SPTLC3: variants seen among roughly 807,000 people sequenced by gnomAD.
The protein encoded by SPTLC3 is serine palmitoyltransferase long chain base subunit 3.
In SPTLC3, 36 loss-of-function variants were observed where a neutral mutation model predicts 59.3. That is an observed-to-expected ratio of 0.61 (90% CI 0.47 to 0.80). SPTLC3 has a LOEUF of 0.80. Ranked by LOEUF, SPTLC3 falls within the 30% of genes least tolerant of loss-of-function variation. The probability of loss-of-function intolerance (pLI) is 0.00; values close to 1 mark genes in which losing one functional copy is unlikely to be tolerated. For missense variants in SPTLC3, 625 were observed against 685.1 expected, an observed-to-expected ratio of 0.91 and a Z score of 0.98; for synonymous variants, 257 against 240.8, an observed-to-expected ratio of 1.07 and a Z score of -0.62.
At chr20:13,073,373 A>C (rs1231340573) in intron 3 of SPTLC3, among the ~76,000 whole-genome samples, 1 of 152,180 alleles carries the variant, frequency 6.6e-6, no homozygotes, top group Non-Finnish European at 1.5e-5. Context: ...ATTGCTTCAA[A>C]TTACAAGGTT....
chr20:13,142,905 C>G (rs914199950), intron 9 of SPTLC3, among the ~76,000 whole-genome samples: 1 of 151,516 alleles, frequency 6.6e-6, no homozygotes, highest in African/African-American at 2.4e-5. Context: ...TCAAATACCC[C>G]GCCTCTCTCT....
At chr20:13,128,853 C>A (rs1160532135) in intron 9 of SPTLC3, among the ~76,000 whole-genome samples, 1 of 149,588 alleles carries the variant, frequency 6.7e-6, no homozygotes, top group African/African-American at 2.5e-5. Context: ...AACAGGCATG[C>A]ACCACCATGC....
At position 13,165,965 on chromosome 20, in the gene SPTLC3, C is replaced by A. The variant is rs1437477036; in HGVS notation, c.*1098C>A. On this transcript the variant is annotated 3_prime_UTR_variant, in exon 12 of 12. Transcript: ENST00000399002. ...TAACTGTAATTTACTTGTGTTCTCT[C>A]TTTCTTGCTCTCCTTCTCAACATGA... is the stretch of plus-strand genomic sequence containing the variant. The A allele has an allele frequency of 6.6e-6, 1 of 152,360 alleles. No homozygotes were observed. The highest frequency in any genetic ancestry group is 1.5e-5 in the Non-Finnish European group (1 of 68,036). The allele number at this position is 152,360 out of a possible 1,614,324, so 9.4% of individuals were successfully genotyped here. A position where few individuals can be genotyped will look rare whatever the true frequency, so the allele number is the denominator to read the frequency against.
intron 7 of SPTLC3, among the ~76,000 whole-genome samples, chr20:13,117,277 C>G (rs1022413981): frequency 6.6e-6 from 1 of 152,156 alleles, no homozygotes; most frequent in Non-Finnish European, 1.5e-5. Flanking sequence ...TTAGCTGAAA[C>G]CAAAAGCACT....
At chr20:13,153,472 T>A (rs1186882578) in intron 9 of SPTLC3, among the ~76,000 whole-genome samples, 1 of 152,140 alleles carries the variant, frequency 6.6e-6, no homozygotes, top group Non-Finnish European at 1.5e-5. Context: ...AGCCCTAATC[T>A]CAGCAGGACT....
chr20:13,143,166 C>T (rs2122893458), intron 9 of SPTLC3, among the ~76,000 whole-genome samples: 1 of 152,062 alleles, frequency 6.6e-6, no homozygotes, highest in Middle Eastern at 3.4e-3. Context: ...TCTTGGGCAC[C>T]AAAAAGACCA....
At chr20:13,149,039 T>A (rs2038582933) in intron 9 of SPTLC3, among the ~76,000 whole-genome samples, 1 of 152,200 alleles carries the variant, frequency 6.6e-6, no homozygotes, top group Non-Finnish European at 1.5e-5. Flanking sequence ...GGAGTTTGAT[T>A]CCCATTCCAC....
chr20:13,024,368 G>A (rs1442241089), intron 1 of SPTLC3, among the ~76,000 whole-genome samples: 2 of 148,702 alleles, frequency 1.3e-5, no homozygotes, highest in Admixed American at 6.7e-5. Flanking sequence ...ATTCTAGTTA[G>A]CATTTTGCTA....
intron 6 of SPTLC3, among the ~76,000 whole-genome samples, chr20:13,107,683 T>C (rs1989980830): frequency 6.6e-6 from 1 of 152,184 alleles, no homozygotes; most frequent in Admixed American, 6.5e-5. Flanking sequence ...CCTTACGATC[T>C]TGGTGAAATT....
intron 1 of SPTLC3, among the ~76,000 whole-genome samples, chr20:13,033,291 A>C (rs1600218511): frequency 6.6e-6 from 1 of 152,322 alleles, no homozygotes; most frequent in Admixed American, 6.5e-5. Context: ...GGCATAACCC[A>C]ACAGAAATTT....
chr20:13,010,756 C>A (rs762934234), intron 1 of SPTLC3, among the ~76,000 whole-genome samples: 2 of 152,208 alleles, frequency 1.3e-5, no homozygotes, highest in African/African-American at 4.8e-5. Context: ...CATCTACTTA[C>A]CCTTGTGATT....
intron 2 of SPTLC3, among the ~76,000 whole-genome samples, chr20:13,055,153 A>AC (rs1298561527): frequency 6.6e-6 from 1 of 152,020 alleles, no homozygotes; most frequent in Non-Finnish European, 1.5e-5. Flanking sequence ...TTGGGCAGAT[A>AC]CATGGATAGC....
At chr20:13,072,526 T>A (rs1350307748) in intron 3 of SPTLC3, 116 bp downstream of exon 3, 1 of 1,191,370 alleles carries the variant, frequency 8.4e-7, no homozygotes, top group Non-Finnish European at 1.2e-6. Flanking sequence ...TGGTTTTGTA[T>A]CATTTATGCC....
intron 2 of SPTLC3, among the ~76,000 whole-genome samples, chr20:13,058,324 A>C (rs1351936609): frequency 6.6e-6 from 1 of 152,224 alleles, no homozygotes; most frequent in Non-Finnish European, 1.5e-5. Context: ...GGTCTTGTCC[A>C]AAACAGACAG....
Position 13,154,027 on chromosome 20 carries a change from C to A in SPTLC3, c.1304C>A (p.Ala435Glu), listed in dbSNP as rs573867126. 2.5e-6 allele frequency: 4 copies of A among 1,613,870 alleles called. No homozygotes were observed. The highest frequency in any genetic ancestry group is 2.7e-5 in the African/African-American group (2 of 74,890). ...TQGLQRVQQL[A>E]KNTRYFRQRL... Reference sequence around the variant, plus strand: ...GGGCTGCAGAGAGTACAGCAACTTGCGAAAAACACAAGATACTTCAGACAA... The same window carrying A: ...GGGCTGCAGAGAGTACAGCAACTTGAGAAAAACACAAGATACTTCAGACAA... Residue 435 changes from alanine (A) to glutamate (E), a missense_variant, in exon 10 of 12, where the codon GCG becomes GAG. Ala to Glu is a moderately radical substitution (Grantham distance 107). Coordinates refer to ENST00000399002, the MANE Select transcript of SPTLC3 (RefSeq NM_018327.4).
intron 2 of SPTLC3, among the ~76,000 whole-genome samples, chr20:13,068,997 G>T (rs1416241564): frequency 6.6e-6 from 1 of 152,150 alleles, no homozygotes; most frequent in East Asian, 1.9e-4. Context: ...AGAGAGGTTA[G>T]ACAGGATGAA....
At chr20:13,104,699 A>C (rs1008714533) in intron 6 of SPTLC3, among the ~76,000 whole-genome samples, 3 of 152,186 alleles carry the variant, frequency 2.0e-5, no homozygotes, top group African/African-American at 7.2e-5. Context: ...AATAGTGGTC[A>C]TTTTAAGTCC....
intron 7 of SPTLC3, 55 bp downstream of exon 7, chr20:13,110,272 A>C (rs1324776995): frequency 4.1e-6 from 6 of 1,449,952 alleles, no homozygotes; most frequent in Non-Finnish European, 3.8e-6. Context: ...CAAGCTGACC[A>C]GTGCGGAAAG....
chr20:13,018,419 T>C (rs922536528), intron 1 of SPTLC3, among the ~76,000 whole-genome samples: 1 of 152,198 alleles, frequency 6.6e-6, no homozygotes, highest in Non-Finnish European at 1.5e-5. Context: ...AAGGACTGTA[T>C]GCTTAAGCCC....
Sources: gnomAD v4.1 joint callset for allele counts (sites outside exome capture counted in the v4.1 genomes callset) on GRCh38, gnomAD v4.1.1 for gene constraint, MANE v1.5 for transcripts, NCBI Gene and HGNC (gene_info 2026-07-23, HGNC 2026-07-21) for gene names.